The following ROBO3 variants were observed in gnomAD, a reference collection of about 807,000 sequenced individuals.
ROBO3 encodes the protein roundabout guidance receptor 3, also known as roundabout homolog 3.
Under a neutral mutation model 160.5 loss-of-function variants are expected in ROBO3, and 97 were observed. The ratio of observed to expected loss-of-function variants is 0.60; its 90% CI spans 0.51 to 0.72. ROBO3 has a LOEUF of 0.72. ROBO3 is among the 30% of genes least tolerant of loss of function. The pLI is 0.00. For missense variants in ROBO3, 1,858 were observed against 1,846.5 expected (o/e 1.01, Z -0.11); for synonymous variants, 780 against 746.2 (o/e 1.05, Z -0.74).
rs375756305 is a variant in ROBO3 at position 124,878,132 on chromosome 11, G to T, written c.3181+1G>T. The T allele has an allele frequency of 1.2e-5, 19 of 1,601,564 alleles. No individual in the cohort carries two copies. In the African/African-American group the frequency reaches 2.4e-4, roughly 20 times the overall value. On this transcript the variant is annotated splice_donor_variant, in intron 21 of 27. Coordinates refer to ENST00000397801, the MANE Select transcript of ROBO3 (RefSeq NM_022370.4). LOFTEE classifies it high-confidence loss of function. The surrounding 1 kb of genome is among the most constrained non-coding windows in gnomAD (Gnocchi z 4.3). The stretch of plus-strand genomic sequence containing the variant: ...CCAGAGTGGAGCCAGGGGGACAGTG[G>T]TATGACTCCAACTCCTGAAACCCCG...
In ROBO3 at chr11:124,868,803, G is replaced by T. The variant is rs1265196428; in HGVS notation, c.162G>T (p.Gly54=). The change falls in exon 2 of 28, where the codon GGG becomes GGT. Residue 54 remains glycine, a splice_region_variant and synonymous_variant. Coordinates refer to ENST00000397801, the MANE Select transcript of ROBO3 (RefSeq NM_022370.4). ...LLPPGDPSLN[G]SRVGPEDAMP... is the part of the protein sequence containing the mutation. ...CTCTGCGCCACCCCCTGTCCCCAGG[G>T]TCAAGGGTAGGACCGGAGGACGCTA... 1.2e-6 allele frequency: 2 copies of T among 1,607,272 alleles called. No individual in the cohort carries two copies. The highest frequency in any genetic ancestry group is 1.7e-6 in the Non-Finnish European group (2 of 1,177,410).
rs199650068 is a variant in ROBO3, at chr11:124,878,788, G to T, written c.3525G>T (p.Gln1175His). 6 of 1,612,148 alleles carry T rather than the reference G, an allele frequency of 3.7e-6. No individual in the cohort carries two copies. Among genetic ancestry groups the T allele is most frequent in the African/African-American group, 2.7e-5 (2 of 74,894 alleles). Reference sequence around the variant, plus strand: ...CAACTGACATGCCCCATCTCCATCAGATGCCCAGGTAGGGAGGTATATAGT... The same window carrying T: ...CAACTGACATGCCCCATCTCCATCATATGCCCAGGTAGGGAGGTATATAGT... ...QPPTDMPHLHQMPRRVPLGPS... is the reference protein window; with the variant it reads ...QPPTDMPHLHHMPRRVPLGPS... Residue 1175 changes from glutamine (Q) to histidine (H), a missense_variant, in exon 23 of 28, where the codon CAG becomes CAT. Coordinates refer to ENST00000397801, the MANE Select transcript of ROBO3 (RefSeq NM_022370.4). This position sits in a 1 kb window ranked among gnomAD's most constrained non-coding sequence, Gnocchi z 4.3.
Position 124,873,388 on chromosome 11 carries a change from C to A in ROBO3, c.1615C>A (p.Arg539=). The A allele has an allele frequency of 1.2e-6, 2 of 1,610,634 alleles. No homozygotes were observed. The highest frequency in any genetic ancestry group is 1.7e-6 in the Non-Finnish European group (2 of 1,178,506). ...EATWSGWLKM[R]EDWGVSPDPP... is the part of the protein sequence containing the mutation. ...CACATGGAGCGGCTGGCTTAAGATG[C>A]GGGGTGAGTTTTTTCTTTCTTCCCT... The change falls in exon 10 of 28, where the codon CGG becomes AGG. Residue 539 remains arginine, a synonymous_variant. Transcript: ENST00000397801. The surrounding 1 kb of genome is among the most constrained non-coding windows in gnomAD (Gnocchi z 4.5).
At chr11:124,880,680 C>T in intron 27 of ROBO3, 72 bp downstream of exon 27, 2 of 1,451,358 alleles carry the variant, frequency 1.4e-6, no homozygotes, top group Non-Finnish European at 1.8e-6. Context: ...TAATGGAAAA[C>T]AGGAAGGTGG....
chr11:124,878,449 C>T lies in ROBO3; in HGVS notation c.3320+13C>T, dbSNP rs1393012262. The stretch of plus-strand genomic sequence containing the variant: ...AGCTGGAGGGCAGGTAGAGATGCTC[C>T]CTGCTTCCAGGCCCACACACCTGCG... On this transcript the variant is annotated intron_variant, in intron 22 of 27. Coordinates refer to ENST00000397801, the MANE Select transcript of ROBO3 (RefSeq NM_022370.4). This position sits in a 1 kb window ranked among gnomAD's most constrained non-coding sequence, Gnocchi z 4.3. 6.2e-7 allele frequency: 1 copy of T among 1,610,932 alleles called. No individual in the cohort carries two copies. The highest frequency in any genetic ancestry group is 1.1e-5 in the South Asian group (1 of 90,928).
rs770617692 is a variant in ROBO3 at position 124,870,612 on chromosome 11, G to C, written c.917G>C (p.Arg306Pro). Residue 306 changes from arginine to proline, a missense_variant, in exon 6 of 28, where the codon CGG (arginine) becomes CCG (proline). Coordinates refer to ENST00000397801, the MANE Select transcript of ROBO3 (RefSeq NM_022370.4). ...GELPTGRYEI[R>P]SDHSLWIGHV... is the part of the protein sequence containing the mutation. Reference sequence around the variant, plus strand: ...GGGGAGTGGAGCAGGTATGAGATCCGGAGTGACCACAGCCTTTGGATTGGG... The same window carrying C: ...GGGGAGTGGAGCAGGTATGAGATCCCGAGTGACCACAGCCTTTGGATTGGG... 1 of 1,613,656 alleles carries C rather than the reference G, an allele frequency of 6.2e-7. No homozygotes were observed.
In ROBO3 at chr11:124,878,064, A is replaced by T; in HGVS notation, c.3114A>T (p.Gln1038His). The T allele has an allele frequency of 6.2e-7, 1 of 1,612,686 alleles. No individual in the cohort carries two copies. Among genetic ancestry groups the T allele is most frequent in the Non-Finnish European group, 8.5e-7 (1 of 1,179,434 alleles). Residue 1038 changes from glutamine (Q) to histidine (H), a missense_variant, in exon 21 of 28, where the codon CAA (glutamine) becomes CAT (histidine). Transcript: ENST00000397801. This position sits in a 1 kb window ranked among gnomAD's most constrained non-coding sequence, Gnocchi z 4.3. ...AGACCTTCCATGGGGGCTTCCCCCA[A>T]CATCCCTCAGGAGATCTGGGTCCCT... is the stretch of plus-strand genomic sequence containing the variant. ...ELQTFHGGFP[Q>H]HPSGDLGPWS... is the part of the protein sequence containing the mutation.
chr11:124,869,948 A>T lies in ROBO3; in HGVS notation c.646A>T (p.Ile216Phe). ...CAAAGTTACCATTATTGCTCTGCAG[A>T]TCCGTGGAGGGAAGCTGATGATGTC... ...RLKEEEGRIT[I>F]RGGKLMMSHT... Residue 216 changes from isoleucine (I) to phenylalanine (F), a missense_variant and splice_region_variant, in exon 4 of 28, where the codon ATC (isoleucine) becomes TTC (phenylalanine). Transcript: ENST00000397801. This position sits in a 1 kb window ranked among gnomAD's most constrained non-coding sequence, Gnocchi z 4.2. The T allele has an allele frequency of 6.2e-7, 1 of 1,600,716 alleles. No individual in the cohort carries two copies. Among genetic ancestry groups the T allele is most frequent in the Non-Finnish European group, 8.5e-7 (1 of 1,173,576 alleles).
At position 124,874,090 on chromosome 11, in the gene ROBO3, G is replaced by T. The variant is rs772421418; in HGVS notation, c.1805G>T (p.Trp602Leu). 1.3e-5 allele frequency: 21 copies of T among 1,613,820 alleles called. No individual in the cohort carries two copies. The highest frequency in any genetic ancestry group is 1.8e-5 in the Non-Finnish European group (21 of 1,179,898). Residue 602 changes from tryptophan (W) to leucine (L), a missense_variant, in exon 12 of 28, where the codon TGG becomes TTG. Physicochemically the swap from Trp to Leu is moderately conservative, Grantham distance 61. Coordinates refer to ENST00000397801, the MANE Select transcript of ROBO3 (RefSeq NM_022370.4). ...EAFSPAAGNT[W>L]RTVADGVQLE... Reference sequence around the variant, plus strand: ...TGTAGCCCAGCAGCTGGCAACACATGGCGTACTGTGGCAGATGGCGTGCAG... The same window carrying T: ...TGTAGCCCAGCAGCTGGCAACACATTGCGTACTGTGGCAGATGGCGTGCAG...
At position 124,869,880 on chromosome 11, in the gene ROBO3, T is replaced by C. The variant is rs1946256452; in HGVS notation, c.646-68T>C. 2 of 1,534,156 alleles carry C rather than the reference T, an allele frequency of 1.3e-6. No homozygotes were observed. The highest frequency in any genetic ancestry group is 1.8e-6 in the Non-Finnish European group (2 of 1,131,314). On this transcript the variant is annotated intron_variant, in intron 3 of 27. Transcript: ENST00000397801. The surrounding 1 kb of genome is among the most constrained non-coding windows in gnomAD (Gnocchi z 4.2). ...AACTTTATACATATGTATATACACA[T>C]ATATTCACCATATATATATACGCTG...
chr11:124,878,423 G>A lies in ROBO3; in HGVS notation c.3307G>A (p.Glu1103Lys), dbSNP rs764455288. Residue 1103 changes from glutamate (E) to lysine (K), a missense_variant, in exon 22 of 28, where the codon GAG (glutamate) becomes AAG (lysine). By Grantham distance (56) the Glu-to-Lys change is moderately conservative (BLOSUM62 1). Transcript: ENST00000397801. The surrounding 1 kb of genome is among the most constrained non-coding windows in gnomAD (Gnocchi z 4.3). ...GAGCTGCCTAGAAGGGCCGGAGGAGGAGCTGGAGGGCAGGTAGAGATGCTC... is the reference window on the plus strand; with the variant it reads ...GAGCTGCCTAGAAGGGCCGGAGGAGAAGCTGGAGGGCAGGTAGAGATGCTC... The part of the protein sequence containing the change: ...ELSCLEGPEE[E>K]LEGSSEPEEW... 3.7e-6 allele frequency: 6 copies of A among 1,613,462 alleles called. No homozygotes were observed. The highest frequency in any genetic ancestry group is 5.1e-6 in the Non-Finnish European group (6 of 1,179,626).
chr11:124,872,257 C>A lies in ROBO3; in HGVS notation c.1159-124C>A. ...TACTTTGCCCAAGTTCACATCACTG[C>A]TGGAGACAGACGATGAACTAGAATC... On this transcript the variant is annotated intron_variant, in intron 7 of 27. Transcript: ENST00000397801. The surrounding 1 kb of genome is among the most constrained non-coding windows in gnomAD (Gnocchi z 4.3). 1.1e-6 allele frequency: 1 copy of A among 909,984 alleles called. No individual in the cohort carries two copies. The highest frequency in any genetic ancestry group is 1.8e-6 in the Non-Finnish European group (1 of 556,132). The allele number at this position is 909,984 out of a possible 1,614,324, so 56.4% of individuals were successfully genotyped here.
rs1312048622 is a variant in ROBO3, at chr11:124,869,779, G to GC, written c.646-165dup. Among the ~76,000 whole-genome samples the GC allele has an allele frequency of 6.6e-6, 1 of 152,218 alleles. No individual in the cohort carries two copies. Among genetic ancestry groups the GC allele is most frequent in the African/African-American group, 2.4e-5 (1 of 41,466 alleles). On this transcript the variant is annotated intron_variant, in intron 3 of 27. Transcript: ENST00000397801. This position sits in a 1 kb window ranked among gnomAD's most constrained non-coding sequence, Gnocchi z 4.2. ...TATAAAAAAGGGGCGGGGGCATGATGCCCCAGGAACTTCCCATTTGATATG... is the reference window on the plus strand; with the variant it reads ...TATAAAAAAGGGGCGGGGGCATGATGCCCCCAGGAACTTCCCATTTGATATG...
chr11:124,880,747 A>C, intron 27 of ROBO3, 139 bp downstream of exon 27: 2 of 1,248,508 alleles, frequency 1.6e-6, no homozygotes, highest in Non-Finnish European at 2.1e-6. Flanking sequence ...AGGGGGAGGG[A>C]GGAATCCTGT....
Position 124,875,147 on chromosome 11 carries a change from G to A in ROBO3, c.2110G>A (p.Val704Met), listed in dbSNP as rs375364137. 1 of 1,612,820 alleles carries A rather than the reference G, an allele frequency of 6.2e-7. No homozygotes were observed. The highest frequency in any genetic ancestry group is 8.5e-7 in the Non-Finnish European group (1 of 1,179,538). ...AGTCCAGCTGGTGCAAGGTTTCCGGGTGTCTTGGAGGGTAGCAGGCCCTGA... is the reference window on the plus strand; with the variant it reads ...AGTCCAGCTGGTGCAAGGTTTCCGGATGTCTTGGAGGGTAGCAGGCCCTGA... ...GPVQLVQGFR[V>M]SWRVAGPEGG... Residue 704 changes from valine to methionine, a missense_variant, in exon 14 of 28, where the codon GTG becomes ATG. Coordinates refer to ENST00000397801, the MANE Select transcript of ROBO3 (RefSeq NM_022370.4).
intron 1 of ROBO3, 34 bp from the exon 2 acceptor site, chr11:124,868,768 T>C (rs1462700944): frequency 3.8e-6 from 6 of 1,570,512 alleles, no homozygotes; most frequent in Non-Finnish European, 4.3e-6. Context: ...ACAATTTCCC[T>C]GTCTGAACGC....
intron 1 of ROBO3, among the ~76,000 whole-genome samples, chr11:124,866,293 G>A (rs991224158): frequency 1.3e-4 from 20 of 152,174 alleles, no homozygotes; most frequent in Admixed American, 4.6e-4. Context: ...ACTCTCAGCC[G>A]GCCCACCCCG....
At chr11:124,866,159 C>CAA (rs1946193854) in intron 1 of ROBO3, among the ~76,000 whole-genome samples, 4 of 152,194 alleles carry the variant, frequency 2.6e-5, no homozygotes, top group Non-Finnish European at 5.9e-5. Context: ...CTTCGGAACC[C>CAA]CGAAGTTTCC....
At position 124,872,465 on chromosome 11, in the gene ROBO3, C is replaced by A. The variant is rs766000885; in HGVS notation, c.1243C>A (p.Gln415Lys). 6.2e-7 allele frequency: 1 copy of A among 1,613,992 alleles called. No individual in the cohort carries two copies. The highest frequency in any genetic ancestry group is 8.5e-7 in the Non-Finnish European group (1 of 1,179,886). Residue 415 changes from glutamine (Q) to lysine (K), a missense_variant, in exon 8 of 28, where the codon CAG becomes AAG. Gln to Lys is a moderately conservative substitution (Grantham distance 53). Coordinates refer to ENST00000397801, the MANE Select transcript of ROBO3 (RefSeq NM_022370.4). This position sits in a 1 kb window ranked among gnomAD's most constrained non-coding sequence, Gnocchi z 4.3. ...AGGCCAACTTAACATCACCGCGGTG[C>A]AGCGTGGGGATGCTGGGTACTACGT... ...PRGQLNITAV[Q>K]RGDAGYYVCQ...
Sources: allele counts gnomAD v4.1 joint callset (sites outside exome capture counted in the v4.1 genomes callset), GRCh38; gene constraint gnomAD v4.1.1; non-coding constraint Gnocchi (gnomAD v3.1); transcripts MANE v1.5; gene names NCBI Gene and HGNC (gene_info 2026-07-23, HGNC 2026-07-21).